The following C1QTNF7 variants were observed in gnomAD, a reference collection of about 807,000 sequenced individuals.
C1QTNF7 encodes complement C1q tumor necrosis factor-related protein 7.
Under a neutral mutation model 19.6 loss-of-function variants are expected in C1QTNF7, and 15 were observed. The observed-to-expected ratio is 0.76, with a 90% CI of 0.51 to 1.18. The LOEUF (loss-of-function observed/expected upper bound fraction) is 1.18, where lower values mean the gene tolerates loss of function less well. C1QTNF7 is among the 50% of genes most tolerant of loss of function. The pLI is 0.00. For missense variants in C1QTNF7, 324 were observed against 359.7 expected (o/e 0.90, Z 0.80); for synonymous variants, 142 against 137.5 (o/e 1.03, Z -0.23).
Position 15,442,595 on chromosome 4 carries a change from C to G in C1QTNF7, c.666C>G (p.Asp222Glu). ...GGCAATACCGGATAAAGACCTTCGA[C>G]GCCAACACAGGAAACCATGATGTGG... is the stretch of plus-strand genomic sequence containing the variant. ...HNGQYRIKTF[D>E]ANTGNHDVAS... The change falls in exon 3 of 3, where the codon GAC (aspartate) becomes GAG (glutamate). Residue 222 changes from aspartate (D) to glutamate (E), a missense_variant. Coordinates refer to ENST00000444304, the MANE Select transcript of C1QTNF7 (RefSeq NM_031911.5). The G allele has an allele frequency of 1.9e-6, 3 of 1,614,170 alleles. No individual in the cohort carries two copies. Among genetic ancestry groups the G allele is most frequent in the Non-Finnish European group, 2.5e-6 (3 of 1,180,042 alleles).
At chr4:15,424,949 C>T (rs1320996319), upstream of C1QTNF7, among the ~76,000 whole-genome samples, 1 of 152,108 alleles carries the variant, frequency 6.6e-6, no homozygotes, top group East Asian at 1.9e-4. Context: ...CTCTCTTCCT[C>T]ACTAGATTTT....
In C1QTNF7 at chr4:15,396,616, A is replaced by G. The variant is rs115556096; in HGVS notation, c.14-39120A>G. Among the ~76,000 whole-genome samples the G allele has an allele frequency of 1.4e-3, 219 of 152,182 alleles. 1 individual carries two copies. Among genetic ancestry groups the G allele is most frequent in the African/African-American group, 5.1e-3 (211 of 41,506 alleles). On this transcript the variant is annotated intron_variant, in intron 1 of 2. Coordinates refer to the C1QTNF7 transcript ENST00000295297. ...ATAAAGCAGGGAGTAGGGACAGAAA[A>G]AGGATAATAAAGCTAAAAAAAAGGT...
chr4:15,443,346 A>C lies in C1QTNF7; in HGVS notation c.*547A>C, dbSNP rs538601625. 6.7e-6 allele frequency: 1 copy of C among 149,834 alleles called. No homozygotes were observed. The highest frequency in any genetic ancestry group is 2.1e-4 in the South Asian group (1 of 4,772). The allele number at this position is 149,834 out of a possible 1,614,324, so 9.3% of individuals were successfully genotyped here. ...ACAACCCTTTAATGAGCCTGTAAGGACCAGACACTGTGGCGCTGAATCAGA... is the reference window on the plus strand; with the variant it reads ...ACAACCCTTTAATGAGCCTGTAAGGCCCAGACACTGTGGCGCTGAATCAGA... On this transcript the variant is annotated 3_prime_UTR_variant, in exon 3 of 3. Transcript: ENST00000444304.
upstream of C1QTNF7, among the ~76,000 whole-genome samples, chr4:15,426,993 T>G (rs899108079): frequency 6.6e-6 from 1 of 152,248 alleles, no homozygotes; most frequent in African/African-American, 2.4e-5. Context: ...AAGTTATGAC[T>G]AGCTTCTATG....
chr4:15,357,910 C>T (rs1717202857), intron 1 of C1QTNF7, among the ~76,000 whole-genome samples: 1 of 152,162 alleles, frequency 6.6e-6, no homozygotes, highest in Non-Finnish European at 1.5e-5. Flanking sequence ...TATAGGAATG[C>T]ATGTAATTTT....
chr4:15,373,425 A>T (rs763184390), intron 1 of C1QTNF7, among the ~76,000 whole-genome samples: 1 of 152,232 alleles, frequency 6.6e-6, no homozygotes, highest in Non-Finnish European at 1.5e-5. Flanking sequence ...TTGTGGGGAA[A>T]CACGTATATT....
intron 1 of C1QTNF7, among the ~76,000 whole-genome samples, chr4:15,354,963 G>A (rs935738114): frequency 6.6e-6 from 1 of 152,084 alleles, no homozygotes; most frequent in South Asian, 2.1e-4. Context: ...TTCTTGCATT[G>A]GGAATATCCT....
chr4:15,357,700 T>G (rs536545676), intron 1 of C1QTNF7, among the ~76,000 whole-genome samples: 1 of 152,342 alleles, frequency 6.6e-6, no homozygotes, highest in South Asian at 2.1e-4. Context: ...ACAATATTGA[T>G]TCTTCCTATC....
At position 15,368,545 on chromosome 4, in the gene C1QTNF7, G is replaced by A. The variant is rs926971702; in HGVS notation, c.13+28338G>A. ...TGTGAGTGAGAACATGCAGTGTTTG[G>A]TTTTCTGTCCTTGCGACAGTTTGCT... On this transcript the variant is annotated intron_variant, in intron 1 of 2. Transcript: ENST00000295297. Among the ~76,000 whole-genome samples, 5 of 152,220 alleles carry A rather than the reference G, an allele frequency of 3.3e-5. No homozygotes were observed. The South Asian group carries it at 6.2e-4, about 19-fold the overall frequency.
intron 1 of C1QTNF7, among the ~76,000 whole-genome samples, chr4:15,373,495 A>ATAT (rs1487263112): frequency 6.6e-6 from 1 of 152,234 alleles, no homozygotes; most frequent in East Asian, 1.9e-4. Flanking sequence ...CACTATCTTG[A>ATAT]TAAACACCTC....
At chr4:15,367,009 A>G (rs189841612) in intron 1 of C1QTNF7, among the ~76,000 whole-genome samples, 79 of 152,308 alleles carry the variant, frequency 5.2e-4, no homozygotes, top group African/African-American at 1.8e-3. Context: ...AACCATTTAC[A>G]TAGGGGGTGC....
At chr4:15,372,671 C>T (rs940054576) in intron 1 of C1QTNF7, among the ~76,000 whole-genome samples, 1 of 152,096 alleles carries the variant, frequency 6.6e-6, no homozygotes, top group Non-Finnish European at 1.5e-5. Context: ...TTCAAGGGGG[C>T]GCTGATCTTG....
intron 1 of C1QTNF7, among the ~76,000 whole-genome samples, chr4:15,380,845 G>C (rs1718113889): frequency 6.6e-6 from 1 of 152,074 alleles, no homozygotes; most frequent in South Asian, 2.1e-4. Context: ...TGAGGCAGGA[G>C]AATCGCTTGA....
At chr4:15,426,755 C>T (rs114236462), upstream of C1QTNF7, among the ~76,000 whole-genome samples, 1 of 152,210 alleles carries the variant, frequency 6.6e-6, no homozygotes, top group South Asian at 2.1e-4. Context: ...ATGGAAAAAG[C>T]CCACTTAAGA....
At chr4:15,379,076 T>A (rs143781855) in intron 1 of C1QTNF7, among the ~76,000 whole-genome samples, 13 of 152,314 alleles carry the variant, frequency 8.5e-5, no homozygotes, top group Non-Finnish European at 1.8e-4. Context: ...AATATATGGG[T>A]CAATATTTTC....
At chr4:15,439,428 G>A (rs143084002) in intron 2 of C1QTNF7, among the ~76,000 whole-genome samples, 1 of 152,178 alleles carries the variant, frequency 6.6e-6, no homozygotes, top group Non-Finnish European at 1.5e-5. Flanking sequence ...TCGTTTCAAG[G>A]ATTGGGAAAC....
In C1QTNF7 at chr4:15,446,138, A is replaced by G. The variant is rs756955655; in HGVS notation, c.*3339A>G. The G allele has an allele frequency of 6.6e-6, 1 of 152,208 alleles. No homozygotes were observed. The highest frequency in any genetic ancestry group is 2.4e-5 in the African/African-American group (1 of 41,440). The allele number at this position is 152,208 out of a possible 1,614,324, so 9.4% of individuals were successfully genotyped here. On this transcript the variant is annotated 3_prime_UTR_variant, in exon 3 of 3. Coordinates refer to ENST00000444304, the MANE Select transcript of C1QTNF7 (RefSeq NM_031911.5). The stretch of plus-strand genomic sequence containing the variant: ...TTTTTTCTACCACTCTGTGTAAAAG[A>G]TCATGAACGTAAATAAATTTTAGAT...
At chr4:15,439,932 C>A (rs1004256241) in intron 2 of C1QTNF7, among the ~76,000 whole-genome samples, 4 of 151,184 alleles carry the variant, frequency 2.6e-5, no homozygotes, top group Admixed American at 1.3e-4. Flanking sequence ...TATATATAAT[C>A]TATTTTATAT....
At chr4:15,340,408 A>G (rs1716498565) in intron 1 of C1QTNF7, among the ~76,000 whole-genome samples, 1 of 152,102 alleles carries the variant, frequency 6.6e-6, no homozygotes, top group Admixed American at 6.5e-5. Flanking sequence ...TTGATTCATG[A>G]ACCTCTGTAA....
Sources: allele counts gnomAD v4.1 joint callset (sites outside exome capture counted in the v4.1 genomes callset), GRCh38; gene constraint gnomAD v4.1.1; transcripts MANE v1.5; gene names NCBI Gene and HGNC (gene_info 2026-07-23, HGNC 2026-07-21).